TTC27: variants seen among roughly 807,000 people sequenced by gnomAD.
The protein encoded by TTC27 is tetratricopeptide repeat protein 27.
A neutral mutation model predicts 115.9 loss-of-function variants in TTC27; 79 were observed. The observed-to-expected ratio is 0.68, with a 90% confidence interval of 0.57 to 0.82. TTC27 has a LOEUF of 0.82. Among genes scored for constraint, TTC27 ranks in the 40% least tolerant of loss-of-function variants. The probability of loss-of-function intolerance (pLI) is 0.00; values close to 1 mark genes in which losing one functional copy is unlikely to be tolerated. For missense variants in TTC27, 1,054 were observed against 993.1 expected (o/e 1.06, Z -0.82); for synonymous variants, 401 against 356.0 (o/e 1.13, Z -1.42).
chr2:32,807,586 G>A (rs1239695523), intron 16 of TTC27, among the ~76,000 whole-genome samples: 2 of 152,166 alleles, frequency 1.3e-5, no homozygotes, highest in Non-Finnish European at 2.9e-5. Context: ...AAATGCCTAT[G>A]CAAAGGATAT....
At chr2:32,728,321 G>A (rs907615670) in intron 10 of TTC27, among the ~76,000 whole-genome samples, 22 of 152,178 alleles carry the variant, frequency 1.4e-4, no homozygotes, top group Non-Finnish European at 1.2e-4. Flanking sequence ...GATTACAGGC[G>A]TGAACCACCG....
intron 5 of TTC27, among the ~76,000 whole-genome samples, chr2:32,657,783 A>G (rs150475827): frequency 3.2e-4 from 49 of 152,282 alleles, no homozygotes; most frequent in Admixed American, 2.9e-3. Flanking sequence ...GTGACCAGTC[A>G]GTAAGCTGAG....
At chr2:32,780,733 C>T (rs1375344487) in intron 14 of TTC27, among the ~76,000 whole-genome samples, 1 of 152,066 alleles carries the variant, frequency 6.6e-6, no homozygotes, top group Non-Finnish European at 1.5e-5. Context: ...AGCCACTGTG[C>T]CAGGTCTAAA....
At chr2:32,663,727 C>T (rs1411035919) in intron 5 of TTC27, among the ~76,000 whole-genome samples, 1 of 152,118 alleles carries the variant, frequency 6.6e-6, no homozygotes, top group Admixed American at 6.6e-5. Flanking sequence ...CTCTGTCGCT[C>T]AGGCTGGAGT....
intron 7 of TTC27, among the ~76,000 whole-genome samples, chr2:32,670,777 C>T (rs745960964): frequency 2.6e-5 from 4 of 152,188 alleles, no homozygotes; most frequent in Non-Finnish European, 5.9e-5. Flanking sequence ...GCCACCATGC[C>T]TGGCTAATTT....
chr2:32,694,549 A>C (rs1364119270), intron 9 of TTC27, among the ~76,000 whole-genome samples: 1 of 152,188 alleles, frequency 6.6e-6, no homozygotes, highest in African/African-American at 2.4e-5. Flanking sequence ...ATTAAAAAAA[A>C]TAAGAAATTA....
intron 12 of TTC27, among the ~76,000 whole-genome samples, chr2:32,757,622 C>G (rs1031955133): frequency 2.0e-5 from 3 of 152,182 alleles, no homozygotes; most frequent in African/African-American, 7.2e-5. Flanking sequence ...AGCAATTAAG[C>G]TGTGCACATT....
intron 10 of TTC27, among the ~76,000 whole-genome samples, chr2:32,703,445 C>T (rs911254948): frequency 1.9e-4 from 29 of 152,018 alleles, no homozygotes; most frequent in African/African-American, 5.8e-4. Context: ...CCAGTCTGGG[C>T]GACAAGAGCA....
chr2:32,729,553 G>A (rs1162951194), intron 10 of TTC27, among the ~76,000 whole-genome samples: 1 of 151,112 alleles, frequency 6.6e-6, no homozygotes, highest in African/African-American at 2.4e-5. Context: ...AAGTATAAAT[G>A]TCTTTAGGCG....
chr2:32,751,314 A>G (rs1669007178), intron 12 of TTC27, among the ~76,000 whole-genome samples: 1 of 151,612 alleles, frequency 6.6e-6, no homozygotes, highest in Admixed American at 6.6e-5. Flanking sequence ...GCACACACAT[A>G]TACACAAGTT....
intron 13 of TTC27, among the ~76,000 whole-genome samples, chr2:32,771,696 A>T (rs1239828648): frequency 6.6e-6 from 1 of 152,200 alleles, no homozygotes; most frequent in Non-Finnish European, 1.5e-5. Context: ...AAACTTGGCT[A>T]TGAAGGAGTT....
chr2:32,723,548 T>G (rs997520867), intron 10 of TTC27, among the ~76,000 whole-genome samples: 1 of 152,102 alleles, frequency 6.6e-6, no homozygotes, highest in African/African-American at 2.4e-5. Flanking sequence ...TTTAACGGGA[T>G]GAATGCTAGC....
At chr2:32,672,513 T>C (rs2151884426) in intron 8 of TTC27, 129 bp downstream of exon 8, 2 of 611,830 alleles carry the variant, frequency 3.3e-6, no homozygotes, top group East Asian at 5.6e-5. Context: ...CTTATGAAGA[T>C]CAGAGGAAAT....
At chr2:32,652,427 A>G (rs1235053904) in intron 5 of TTC27, among the ~76,000 whole-genome samples, 1 of 152,066 alleles carries the variant, frequency 6.6e-6, no homozygotes, top group Admixed American at 6.6e-5. Context: ...TAGGAACCAT[A>G]TGGTATATTT....
chr2:32,642,408 C>T (rs1035179201), intron 4 of TTC27, among the ~76,000 whole-genome samples: 42 of 151,718 alleles, frequency 2.8e-4, no homozygotes, highest in African/African-American at 9.7e-4. Flanking sequence ...CCCACCACCA[C>T]GTTTGGCTAA....
chr2:32,747,951 C>A (rs1183370690), intron 12 of TTC27, among the ~76,000 whole-genome samples: 1 of 151,678 alleles, frequency 6.6e-6, no homozygotes, highest in East Asian at 1.9e-4. Flanking sequence ...TTTTGATCCT[C>A]TGTTTTTTAA....
At chr2:32,664,206 A>G (rs1665673629) in intron 5 of TTC27, 97 bp from the exon 6 acceptor site, 1 of 1,047,568 alleles carries the variant, frequency 9.5e-7, no homozygotes, top group South Asian at 1.9e-5. Context: ...AACAGAGACT[A>G]TGTACTATAT....
chr2:32,646,766 TG>T (rs1441942367), intron 4 of TTC27, among the ~76,000 whole-genome samples: 2 of 151,620 alleles, frequency 1.3e-5, no homozygotes, highest in Non-Finnish European at 2.9e-5. Flanking sequence ...GATTTCATTG[TG>T]TTGGCCAGGA....
At chr2:32,712,006 T>A (rs748515246) in intron 10 of TTC27, among the ~76,000 whole-genome samples, 6 of 152,058 alleles carry the variant, frequency 3.9e-5, no homozygotes, top group African/African-American at 9.7e-5. Context: ...AGTTTAATCT[T>A]GTTCTATTAT....
Sources: gnomAD v4.1 joint callset for allele counts (sites outside exome capture counted in the v4.1 genomes callset) on GRCh38, gnomAD v4.1.1 for gene constraint, MANE v1.5 for transcripts, NCBI Gene and HGNC (gene_info 2026-07-23, HGNC 2026-07-21) for gene names.